ITSN2: variants seen among roughly 807,000 people sequenced by gnomAD.
ITSN2 encodes intersectin-2.
Under a neutral mutation model 243.7 loss-of-function variants are expected in ITSN2, and 156 were observed. The ratio of observed to expected loss-of-function variants is 0.64; its 90% CI spans 0.56 to 0.73. The LOEUF (loss-of-function observed/expected upper bound fraction) is 0.73. Among genes scored for constraint, ITSN2 ranks in the 30% least tolerant of loss-of-function variants. The pLI, the probability that ITSN2 is intolerant of heterozygous loss-of-function variation, is 0.00. For missense variants in ITSN2, 1,801 were observed against 1,996.1 expected, an observed-to-expected ratio of 0.90 and a Z score of 1.86; for synonymous variants, 703 against 699.9, an observed-to-expected ratio of 1.00 and a Z score of -0.07.
In ITSN2 at chr2:24,225,546, T is replaced by C. The variant is rs2251243; in HGVS notation, c.3578-4480A>G. On this transcript the variant is annotated intron_variant, in intron 29 of 39. Coordinates refer to ENST00000355123, the MANE Select transcript of ITSN2 (RefSeq NM_006277.3). The surrounding 1 kb of genome is among the most constrained non-coding windows in gnomAD (Gnocchi z 4.2). ...CTTTTTTGGAGACTTGAGTCTGCCT[T>C]TCTCAGCCCTTGAGCCTCTCCTCTT... Among the ~76,000 whole-genome samples, 149,064 of 152,210 alleles carry C rather than the reference T, an allele frequency of 0.98. 72,992 individuals carry two copies. Among genetic ancestry groups the C allele is most frequent in the East Asian group, 0.99 (5,107 of 5,148 alleles).
Position 24,204,168 on chromosome 2 carries a change from C to G in ITSN2, c.4936+77G>C, listed in dbSNP as rs1024603558. The G allele has an allele frequency of 2.1e-6, 3 of 1,446,740 alleles. No individual in the cohort carries two copies. Among genetic ancestry groups the G allele is most frequent in the Non-Finnish European group, 2.9e-6 (3 of 1,035,910 alleles). The allele number at this position is 1,446,740 out of a possible 1,614,324, so 89.6% of individuals were successfully genotyped here. A position where few individuals can be genotyped will look rare whatever the true frequency, so the allele number is the denominator to read the frequency against. On this transcript the variant is annotated intron_variant, in intron 39 of 39. Transcript: ENST00000355123. The surrounding 1 kb of genome is among the most constrained non-coding windows in gnomAD (Gnocchi z 5.1). ...GAAGTGGCATGGGGTCTGCACACAG[C>G]TGAAGCCCCTAGATCTGGACTCCAG...
At chr2:24,258,719 T>C (rs547903565) in intron 22 of ITSN2, among the ~76,000 whole-genome samples, 4 of 152,360 alleles carry the variant, frequency 2.6e-5, no homozygotes, top group East Asian at 1.9e-4. Context: ...ATTCCTTAAA[T>C]GATAGTCTTA....
intron 20 of ITSN2, among the ~76,000 whole-genome samples, chr2:24,264,542 A>C (rs1676363077): frequency 6.6e-6 from 1 of 152,148 alleles, no homozygotes; most frequent in African/African-American, 2.4e-5. Context: ...ATCATATTTT[A>C]CCTATTTTGA....
chr2:24,203,444 A>T lies in ITSN2; in HGVS notation c.*182T>A, dbSNP rs184956061. On this transcript the variant is annotated 3_prime_UTR_variant, in exon 40 of 40. Coordinates refer to ENST00000355123, the MANE Select transcript of ITSN2 (RefSeq NM_006277.3). ...CTGTACTATGGGGTTTGGTTTCTTT[A>T]TGGGAAAGGTGTTTGCATAGATTGC... The T allele has an allele frequency of 1.4e-5, 8 of 590,710 alleles. No individual in the cohort carries two copies. Among genetic ancestry groups the T allele is most frequent in the East Asian group, 2.8e-5 (1 of 35,746 alleles). 36.6% of individuals were successfully genotyped at this position (590,710 alleles called of 1,614,324 possible).
chr2:24,296,434 G>A (rs918378212), intron 13 of ITSN2, among the ~76,000 whole-genome samples: 7 of 152,174 alleles, frequency 4.6e-5, no homozygotes, highest in Admixed American at 2.0e-4. Context: ...ACCTCAGAAT[G>A]TGACAATATT....
At chr2:24,206,731 G>T (rs1355770246) in intron 37 of ITSN2, among the ~76,000 whole-genome samples, 2 of 152,128 alleles carry the variant, frequency 1.3e-5, no homozygotes, top group Non-Finnish European at 2.9e-5. Flanking sequence ...TGCCTTGAGG[G>T]AGCTTATGGC....
chr2:24,339,628 G>GT (rs935607334), intron 1 of ITSN2, among the ~76,000 whole-genome samples: 6 of 152,108 alleles, frequency 3.9e-5, no homozygotes, highest in African/African-American at 1.4e-4. Flanking sequence ...GACTAGCTCT[G>GT]TTTTTGTGTT....
intron 13 of ITSN2, among the ~76,000 whole-genome samples, chr2:24,297,921 A>G (rs1205930706): frequency 6.6e-6 from 1 of 152,230 alleles, no homozygotes; most frequent in Non-Finnish European, 1.5e-5. Flanking sequence ...TGTTTATATG[A>G]AAATGTGACT....
At chr2:24,228,159 G>T (rs1449171645) in intron 29 of ITSN2, among the ~76,000 whole-genome samples, 1 of 152,078 alleles carries the variant, frequency 6.6e-6, no homozygotes, top group Admixed American at 6.6e-5. Flanking sequence ...TAAACAGTCA[G>T]AAAGAAAAAT....
In ITSN2 at chr2:24,212,651, C is replaced by T. The variant is rs146765583; in HGVS notation, c.4088G>A (p.Ser1363Asn). Residue 1363 changes from serine (S) to asparagine (N), a missense_variant and splice_region_variant, in exon 33 of 40, where the codon AGT becomes AAT. Ser to Asn is a conservative substitution (Grantham distance 46). Coordinates refer to ENST00000355123, the MANE Select transcript of ITSN2 (RefSeq NM_006277.3). ...CCACTGCCCGGCCTGCACACTCACACTTCTGATGAGCAGTGGGTAGCGGGT... is the reference window on the plus strand; with the variant it reads ...CCACTGCCCGGCCTGCACACTCACATTTCTGATGAGCAGTGGGTAGCGGGT... ...RITRYPLLIR[S>N]ILENTPESHA... 8 of 1,607,488 alleles carry T rather than the reference C, an allele frequency of 5.0e-6. No individual in the cohort carries two copies. Among genetic ancestry groups the T allele is most frequent in the South Asian group, 2.2e-5 (2 of 90,070 alleles).
chr2:24,262,733 T>C (rs932036336), intron 20 of ITSN2, among the ~76,000 whole-genome samples: 3 of 152,220 alleles, frequency 2.0e-5, no homozygotes, highest in Admixed American at 2.0e-4. Flanking sequence ...CGAAGCAACA[T>C]GCCTATACTT....
Position 24,301,156 on chromosome 2 carries a change from G to T in ITSN2, c.1079C>A (p.Pro360Gln). The T allele has an allele frequency of 1.3e-6, 2 of 1,573,682 alleles. No homozygotes were observed. The highest frequency in any genetic ancestry group is 2.2e-5 in the East Asian group (1 of 44,510). ...ACAACTTTGACACTCAGTGATACCT[G>T]GTAATTTCTTCTGAGGCTCCTCTTC... is the stretch of plus-strand genomic sequence containing the variant. ...MQEEEPQKKL[P>Q]VTFEDKRKAN... Residue 360 changes from proline (P) to glutamine (Q), a missense_variant and splice_region_variant, in exon 11 of 40, where the codon CCA becomes CAA. Physicochemically the swap from Pro to Gln is moderately conservative, Grantham distance 76. Around this residue, in one of 5 missense-constraint regions of ITSN2, gnomAD observed 787 missense variants for 803.9 expected, o/e 0.98. Transcript: ENST00000355123.
rs1673746081 is a variant in ITSN2, at chr2:24,248,859, A to G, written c.3144T>C (p.Ser1048=). 2 of 1,613,694 alleles carry G rather than the reference A, an allele frequency of 1.2e-6. No individual in the cohort carries two copies. Among genetic ancestry groups the G allele is most frequent in the Admixed American group, 1.7e-5 (1 of 59,980 alleles). Residue 1048 remains serine (S), a synonymous_variant, in exon 26 of 40, where the codon TCT becomes TCC. Transcript: ENST00000355123. ...DQESFGSASK[S]GASNKKPEIA... ...TACCAGGTTTTTTATTTGATGCTCC[A>G]GACTTGCTAGCACTCCCAAAACTCT...
intron 30 of ITSN2, among the ~76,000 whole-genome samples, chr2:24,218,412 C>T (rs1670161050): frequency 6.6e-6 from 1 of 152,202 alleles, no homozygotes. Context: ...ATTTGTGAGA[C>T]ATTCAACAGG....
intron 25 of ITSN2, among the ~76,000 whole-genome samples, 185 bp downstream of exon 25, chr2:24,252,160 C>A (rs1263752752): frequency 1.3e-5 from 2 of 152,144 alleles, no homozygotes; most frequent in Non-Finnish European, 2.9e-5. Context: ...ATATAATAAA[C>A]CCTATTTTAC....
chr2:24,235,513 T>C (rs1039484409), intron 29 of ITSN2, among the ~76,000 whole-genome samples: 1 of 152,262 alleles, frequency 6.6e-6, no homozygotes. Context: ...GGTGCATCAA[T>C]TGTAACAAAT....
At chr2:24,210,675 C>T (rs1003370118) in intron 34 of ITSN2, 105 bp downstream of exon 34, 89 of 1,023,114 alleles carry the variant, frequency 8.7e-5, no homozygotes, top group Admixed American at 1.8e-4. Context: ...GGTGAGTCCA[C>T]GCAGGCTGCC....
At chr2:24,279,407 T>G (rs540097342) in intron 17 of ITSN2, among the ~76,000 whole-genome samples, 29 of 152,382 alleles carry the variant, frequency 1.9e-4, no homozygotes, top group Admixed American at 1.8e-3. Context: ...ATTTTGGAGA[T>G]TCTGACAACC....
chr2:24,214,696 A>T (rs1483566283), intron 32 of ITSN2, among the ~76,000 whole-genome samples: 1 of 152,130 alleles, frequency 6.6e-6, no homozygotes, highest in Non-Finnish European at 1.5e-5. Context: ...TCAATATAAC[A>T]GTTCTTGGAT....
Sources: gnomAD v4.1 joint callset for allele counts (sites outside exome capture counted in the v4.1 genomes callset) on GRCh38, gnomAD v4.1.1 for gene constraint, gnomAD v4.1.1 regional missense constraint, Gnocchi (gnomAD v3.1) non-coding constraint, MANE v1.5 for transcripts, NCBI Gene and HGNC (gene_info 2026-07-23, HGNC 2026-07-21) for gene names.